The following TOP2B variants were observed in gnomAD, a reference collection of about 807,000 sequenced individuals.
TOP2B encodes DNA topoisomerase 2-beta.
In TOP2B, 51 loss-of-function variants were observed where a neutral mutation model predicts 193.5. The observed-to-expected ratio is 0.26, with a 90% CI of 0.21 to 0.33. The LOEUF (loss-of-function observed/expected upper bound fraction) is 0.33, where lower values mean the gene tolerates loss of function less well. Ranked by LOEUF, TOP2B falls within the 10% of genes least tolerant of loss-of-function variation. TOP2B has a pLI of 1.00. For missense variants in TOP2B, 1,378 were observed against 1,909.3 expected (o/e 0.72, Z 5.19); for synonymous variants, 634 against 635.7 (o/e 1.00, Z 0.04).
intron 30 of TOP2B, among the ~76,000 whole-genome samples, chr3:25,608,406 A>C (rs1033321629): frequency 1.3e-5 from 2 of 152,208 alleles, no homozygotes; most frequent in African/African-American, 4.8e-5. Context: ...TAATGTAATA[A>C]ACCATTTTCA....
intron 1 of TOP2B, among the ~76,000 whole-genome samples, chr3:25,659,570 G>T (rs1224651847): frequency 1.3e-5 from 2 of 152,046 alleles, no homozygotes; most frequent in East Asian, 3.9e-4. Context: ...ACTAAGGTTG[G>T]GATAAGTGTT....
chr3:25,599,394 T>A (rs1407891074), intron 35 of TOP2B, 41 bp downstream of exon 35: 28 of 1,583,176 alleles, frequency 1.8e-5, no homozygotes, highest in Non-Finnish European at 2.3e-5. Context: ...GATCTTTTTT[T>A]AAAAAGCCAT....
rs1303192951 is a variant in TOP2B at position 25,634,806 on chromosome 3, AG to A, written c.853-793del. Among the ~76,000 whole-genome samples the A allele has an allele frequency of 3.2e-3, 492 of 151,526 alleles. 5 individuals carry two copies. The highest frequency in any genetic ancestry group is 0.011 in the African/African-American group (472 of 41,340). On this transcript the variant is annotated intron_variant, in intron 7 of 35. Coordinates refer to ENST00000264331, the MANE Select transcript of TOP2B (RefSeq NM_001330700.2). ...AAAAAAAAAAAAAAAAACCAAAAAA[AG>A]GCTTATTCTGCAGGGCAGGAAACCT...
intron 21 of TOP2B, among the ~76,000 whole-genome samples, chr3:25,622,186 C>T (rs1009723769): frequency 6.6e-6 from 1 of 152,118 alleles, no homozygotes; most frequent in African/African-American, 2.4e-5. Context: ...CAGTTTCATA[C>T]ACATAGTAGG....
At position 25,634,014 on chromosome 3, in the gene TOP2B, C is replaced by T. The variant is rs201071120; in HGVS notation, c.853G>A (p.Val285Ile). ...KVMFNGKKLP[V>I]NGFRSYVDLY... ...TCTACATAACTGCGAAATCCATTTA[C>T]CTATTAATTTAAAAAACAAAAACAA... Residue 285 changes from valine to isoleucine, a missense_variant and splice_region_variant, in exon 8 of 36, where the codon GTA becomes ATA. Physicochemically the swap from Val to Ile is conservative, Grantham distance 29. This residue lies in a region of TOP2B where 222 missense variants were observed against 306.6 expected (regional missense o/e 0.72). Transcript: ENST00000264331. The T allele has an allele frequency of 1.3e-6, 2 of 1,593,720 alleles. No homozygotes were observed. The highest frequency in any genetic ancestry group is 1.8e-5 in the Admixed American group (1 of 54,676).
chr3:25,663,238 CAA>C (rs1361264522), intron 1 of TOP2B, among the ~76,000 whole-genome samples: 1 of 151,972 alleles, frequency 6.6e-6, no homozygotes, highest in Non-Finnish European at 1.5e-5. Context: ...CTCACCCAAA[CAA>C]AGAGAAAACG....
At position 25,636,142 on chromosome 3, in the gene TOP2B, T is replaced by C. The variant is rs568021848; in HGVS notation, c.646A>G (p.Met216Val). 1.3e-6 allele frequency: 2 copies of C among 1,570,818 alleles called. No individual in the cohort carries two copies. Among genetic ancestry groups the C allele is most frequent in the South Asian group, 2.3e-5 (2 of 86,108 alleles). ...TCAGAAGTCTTCATCATATTATTCA[T>C]CCATGTCTTTAAAAGAAAAAAATTC... is the stretch of plus-strand genomic sequence containing the variant. ...EYKHSFKQTW[M>V]NNMMKTSEAK... The change falls in exon 7 of 36, where the codon ATG becomes GTG. Residue 216 changes from methionine (M) to valine (V), a missense_variant. This residue lies in a region of TOP2B where 222 missense variants were observed against 306.6 expected (regional missense o/e 0.72). Transcript: ENST00000264331.
chr3:25,644,562 G>A (rs550101674), intron 2 of TOP2B, among the ~76,000 whole-genome samples: 1 of 151,746 alleles, frequency 6.6e-6, no homozygotes, highest in Non-Finnish European at 1.5e-5. Flanking sequence ...TTAGCCAGGC[G>A]TGGTGGCGCA....
chr3:25,612,857 A>G (rs1011143664), intron 27 of TOP2B, 148 bp from the exon 28 acceptor site: 4 of 585,772 alleles, frequency 6.8e-6, no homozygotes, highest in African/African-American at 1.9e-5. Flanking sequence ...TAAATAATGG[A>G]AAAAAAATAA....
intron 22 of TOP2B, 26 bp downstream of exon 22, chr3:25,620,656 C>T: frequency 6.2e-7 from 1 of 1,603,070 alleles, no homozygotes; most frequent in African/African-American, 1.3e-5. Flanking sequence ...GCCCTTCCCT[C>T]AGGCAGATCA....
intron 27 of TOP2B, among the ~76,000 whole-genome samples, 180 bp from the exon 28 acceptor site, chr3:25,612,889 T>C (rs1702412703): frequency 6.6e-6 from 1 of 152,338 alleles, no homozygotes; most frequent in Non-Finnish European, 1.5e-5. Flanking sequence ...TCAGAAGACC[T>C]GGATTGTAAT....
intron 1 of TOP2B, among the ~76,000 whole-genome samples, chr3:25,659,703 T>A (rs12631947): frequency 6.6e-6 from 1 of 152,128 alleles, no homozygotes; most frequent in Non-Finnish European, 1.5e-5. Context: ...AAAGGAAATA[T>A]ACTCCTTAGC....
rs373208433 is a variant in TOP2B at position 25,636,724 on chromosome 3, G to A, written c.639+491C>T. On this transcript the variant is annotated intron_variant, in intron 6 of 35. Coordinates refer to ENST00000264331, the MANE Select transcript of TOP2B (RefSeq NM_001330700.2). Reference sequence around the variant, plus strand: ...GACTTTTACAAAAATAAACATGCATGATGCTTTTCCTGAGAAAATTATTTT... The same window carrying A: ...GACTTTTACAAAAATAAACATGCATAATGCTTTTCCTGAGAAAATTATTTT... Among the ~76,000 whole-genome samples the A allele has an allele frequency of 4.3e-4, 66 of 152,106 alleles. No homozygotes were observed. The South Asian group carries it at 0.013, about 31-fold the overall frequency.
At chr3:25,603,979 A>G (rs1007044948) in intron 33 of TOP2B, among the ~76,000 whole-genome samples, 13 of 152,244 alleles carry the variant, frequency 8.5e-5, no homozygotes, top group Admixed American at 5.9e-4. Context: ...GGACATGGGT[A>G]GGTCACCCAG....
intron 13 of TOP2B, 82 bp from the exon 14 acceptor site, chr3:25,629,227 A>G: frequency 9.3e-7 from 1 of 1,077,256 alleles, no homozygotes; most frequent in African/African-American, 1.6e-5. Flanking sequence ...TAAAACGTGA[A>G]TGCAAAAAAC....
intron 21 of TOP2B, among the ~76,000 whole-genome samples, chr3:25,622,368 G>A (rs1353287260): frequency 6.6e-6 from 1 of 152,030 alleles, no homozygotes; most frequent in East Asian, 1.9e-4. Flanking sequence ...ATGTCTTATT[G>A]CTAAAGAATA....
chr3:25,644,015 T>C (rs1382632167), intron 2 of TOP2B, among the ~76,000 whole-genome samples: 1 of 152,046 alleles, frequency 6.6e-6, no homozygotes, highest in African/African-American at 2.4e-5. Flanking sequence ...TCAGTTTTAA[T>C]GTAAGACATC....
chr3:25,631,713 T>C (rs372923789), intron 10 of TOP2B, among the ~76,000 whole-genome samples: 2 of 152,026 alleles, frequency 1.3e-5, no homozygotes, highest in Non-Finnish European at 2.9e-5. Context: ...AGGAAACAAT[T>C]GTTATGAGGA....
In TOP2B at chr3:25,599,548, G is replaced by T. The variant is rs761858129; in HGVS notation, c.4616-19C>A. ...CCTTTACCTTAAAATGATACAAAAG[G>T]TTTTTTCTTCCGTGGTTAAGTGCAA... On this transcript the variant is annotated intron_variant, in intron 34 of 35. Transcript: ENST00000264331. The T allele has an allele frequency of 1.2e-6, 2 of 1,600,766 alleles. No individual in the cohort carries two copies. Among genetic ancestry groups the T allele is most frequent in the Non-Finnish European group, 1.7e-6 (2 of 1,173,354 alleles).
Sources: allele counts gnomAD v4.1 joint callset (sites outside exome capture counted in the v4.1 genomes callset), GRCh38; gene constraint gnomAD v4.1.1; regional missense constraint gnomAD v4.1.1; transcripts MANE v1.5; gene names NCBI Gene and HGNC (gene_info 2026-07-23, HGNC 2026-07-21).